The following ITCH variants were observed in gnomAD, a reference collection of about 807,000 sequenced individuals.
The protein encoded by ITCH is E3 ubiquitin-protein ligase Itchy homolog.
Under a neutral mutation model 126.8 loss-of-function variants are expected in ITCH, and 28 were observed. The observed-to-expected ratio is 0.22, with a 90% CI of 0.16 to 0.30. The LOEUF (loss-of-function observed/expected upper bound fraction) is 0.30. Among genes scored for constraint, ITCH ranks in the 10% least tolerant of loss-of-function variants. The probability of loss-of-function intolerance (pLI) is 1.00; values close to 1 mark genes in which losing one functional copy is unlikely to be tolerated. For synonymous variants in ITCH, 342 were observed against 340.0 expected (o/e 1.01, Z -0.06); for missense variants, 631 against 1,032.4 (o/e 0.61, Z 5.33).
At chr20:34,438,379 T>C in intron 7 of ITCH, 95 bp from the exon 8 acceptor site, 1 of 1,355,534 alleles carries the variant, frequency 7.4e-7, no homozygotes, top group Non-Finnish European at 1.0e-6. Flanking sequence ...TCTTAAAAAC[T>C]TAGAAGTTTT....
intron 23 of ITCH, among the ~76,000 whole-genome samples, chr20:34,495,355 A>G (rs1989808914): frequency 6.6e-6 from 1 of 150,436 alleles, no homozygotes; most frequent in Non-Finnish European, 1.5e-5. Flanking sequence ...GTTGTTGATT[A>G]TAGTCATTGT....
intron 23 of ITCH, among the ~76,000 whole-genome samples, chr20:34,497,144 G>A (rs1418751235): frequency 2.0e-5 from 3 of 151,652 alleles, no homozygotes; most frequent in Admixed American, 6.6e-5. Flanking sequence ...TTGCAGGCAC[G>A]CACCACCACA....
chr20:34,379,658 G>A (rs1431075368), intron 2 of ITCH, among the ~76,000 whole-genome samples: 3 of 148,684 alleles, frequency 2.0e-5, no homozygotes, highest in Non-Finnish European at 4.4e-5. Flanking sequence ...GCAGTAGTGC[G>A]ATCTTGACTC....
intron 1 of ITCH, among the ~76,000 whole-genome samples, chr20:34,367,714 T>TG (rs1230723066): frequency 1.3e-5 from 2 of 152,178 alleles, no homozygotes; most frequent in Non-Finnish European, 2.9e-5. Flanking sequence ...TCTGTTTTGT[T>TG]GTTGTTTGTT....
intron 14 of ITCH, among the ~76,000 whole-genome samples, chr20:34,468,929 C>G (rs1223366663): frequency 6.6e-6 from 1 of 151,980 alleles, no homozygotes. Flanking sequence ...ATTACTAGAA[C>G]TAGTAAGTGA....
chr20:34,468,899 T>C (rs143547071), intron 14 of ITCH, among the ~76,000 whole-genome samples: 19 of 152,006 alleles, frequency 1.2e-4, no homozygotes, highest in African/African-American at 3.9e-4. Context: ...ATACAGAAAA[T>C]CATGAAGAAT....
chr20:34,448,676 A>C (rs1984771194), intron 11 of ITCH, among the ~76,000 whole-genome samples: 1 of 152,162 alleles, frequency 6.6e-6, no homozygotes, highest in Admixed American at 6.5e-5. Context: ...GGTTTAACCA[A>C]ATCTTACTGG....
At chr20:34,371,117 G>A (rs1258181181) in intron 2 of ITCH, among the ~76,000 whole-genome samples, 7 of 137,816 alleles carry the variant, frequency 5.1e-5, no homozygotes, top group East Asian at 2.2e-4. Flanking sequence ...GCAGTGAGCC[G>A]AGATCACACC....
chr20:34,429,260 C>T (rs1349066456), intron 7 of ITCH, among the ~76,000 whole-genome samples: 1 of 152,080 alleles, frequency 6.6e-6, no homozygotes, highest in African/African-American at 2.4e-5. Context: ...TTTTCAAAGC[C>T]AATTGGTGGT....
intron 6 of ITCH, 86 bp from the exon 7 acceptor site, chr20:34,424,394 T>A: frequency 1.0e-6 from 1 of 959,818 alleles, no homozygotes; most frequent in Non-Finnish European, 1.7e-6. Flanking sequence ...AATAAAAGGC[T>A]TTGCTTACAT....
At chr20:34,469,924 G>A (rs1987458462) in intron 14 of ITCH, 124 bp from the exon 15 acceptor site, 1 of 778,090 alleles carries the variant, frequency 1.3e-6, no homozygotes, top group Non-Finnish European at 2.4e-6. Context: ...GGTTTTGTTA[G>A]GAATATGCTA....
At chr20:34,434,387 A>G (rs1260438238) in intron 7 of ITCH, among the ~76,000 whole-genome samples, 1 of 152,246 alleles carries the variant, frequency 6.6e-6, no homozygotes, top group Non-Finnish European at 1.5e-5. Flanking sequence ...ATGGGAAGAC[A>G]GCTTGAGGAA....
chr20:34,511,316 G>A lies in ITCH; in HGVS notation c.*3522G>A, dbSNP rs982299469. 3.9e-5 allele frequency: 6 copies of A among 152,190 alleles called. No individual in the cohort carries two copies. The highest frequency in any genetic ancestry group is 8.8e-5 in the Non-Finnish European group (6 of 68,028). The allele number at this position is 152,190 out of a possible 1,614,324, so 9.4% of individuals were successfully genotyped here. A position where few individuals can be genotyped will look rare whatever the true frequency, so the allele number is the denominator to read the frequency against. On this transcript the variant is annotated 3_prime_UTR_variant, in exon 25 of 25. Transcript: ENST00000374864. ...ACAGGGAGTCAAATGCTTTTATAAA[G>A]TTCCTTCAGTGGTTGCCTCACTTGC...
intron 2 of ITCH, among the ~76,000 whole-genome samples, chr20:34,380,942 T>A (rs1307945665): frequency 6.6e-6 from 1 of 151,942 alleles, no homozygotes; most frequent in Non-Finnish European, 1.5e-5. Flanking sequence ...TATGTGTCAC[T>A]GCACCTGGGT....
intron 7 of ITCH, among the ~76,000 whole-genome samples, chr20:34,434,895 G>A (rs959550463): frequency 6.6e-6 from 1 of 152,114 alleles, no homozygotes; most frequent in African/African-American, 2.4e-5. Context: ...ACATAATCCA[G>A]TTTTAGGTAT....
intron 1 of ITCH, among the ~76,000 whole-genome samples, chr20:34,365,405 GA>G (rs897555406): frequency 3.3e-5 from 5 of 151,982 alleles, no homozygotes; most frequent in African/African-American, 1.2e-4. Context: ...ACATTCTTTA[GA>G]AAAAAATACA....
chr20:34,443,121 TTATTA>T (rs1330138837), intron 10 of ITCH, among the ~76,000 whole-genome samples: 4 of 152,172 alleles, frequency 2.6e-5, no homozygotes, highest in African/African-American at 4.8e-5. Flanking sequence ...AATGAAGTTC[TTATTA>T]TATTTAAAAA....
chr20:34,442,533 T>G (rs1291940097), intron 10 of ITCH, among the ~76,000 whole-genome samples: 2 of 152,166 alleles, frequency 1.3e-5, no homozygotes, highest in Non-Finnish European at 2.9e-5. Flanking sequence ...TTCTTTATTT[T>G]ATAGAAACAA....
intron 16 of ITCH, among the ~76,000 whole-genome samples, 164 bp from the exon 17 acceptor site, chr20:34,477,608 C>G (rs1386661826): frequency 6.6e-6 from 1 of 152,062 alleles, no homozygotes; most frequent in Non-Finnish European, 1.5e-5. Context: ...TTAAACGTTA[C>G]TATAATGTAT....
Sources: gnomAD v4.1 joint callset for allele counts (sites outside exome capture counted in the v4.1 genomes callset) on GRCh38, gnomAD v4.1.1 for gene constraint, MANE v1.5 for transcripts, NCBI Gene and HGNC (gene_info 2026-07-23, HGNC 2026-07-21) for gene names.